TBC1D25: variants seen among roughly 807,000 people sequenced by gnomAD.
TBC1D25 encodes 5SN3 snoRNA.
Under a neutral mutation model 38.8 loss-of-function variants are expected in TBC1D25, and 13 were observed. The observed-to-expected ratio is 0.34, with a 90% CI of 0.22 to 0.53. The LOEUF is 0.53. Among genes scored for constraint, TBC1D25 ranks in the 20% least tolerant of loss-of-function variants. The pLI is 0.94. For synonymous variants in TBC1D25, 225 were observed against 255.6 expected (o/e 0.88, Z 1.14); for missense variants, 372 against 600.0 (o/e 0.62, Z 3.97).
At chrX:48,546,580 A>T (rs1556981907) in intron 3 of TBC1D25, among the ~76,000 whole-genome samples, 1 of 111,951 alleles carries the variant, frequency 8.9e-6, no homozygotes, top group African/African-American at 3.2e-5. Context: ...TACCCTCAGG[A>T]CTTAATCACC....
In TBC1D25 at chrX:48,548,318, G is replaced by A. The variant is rs914809248; in HGVS notation, c.388+3295G>A. 3.5e-4 allele frequency among the ~76,000 whole-genome samples: 38 copies of A among 109,855 alleles called. 1 individual carries two copies. Among genetic ancestry groups the A allele is most frequent in the African/African-American group, 1.2e-3 (36 of 30,213 alleles). On this transcript the variant is annotated intron_variant, in intron 3 of 5. Coordinates refer to ENST00000376771, the MANE Select transcript of TBC1D25 (RefSeq NM_002536.4). ...TTTTGTAGAGACAGGGTTTCGCCGT[G>A]TTGCCCAGGCTGGTCTTGAACTCCT...
chrX:48,558,815 G>T (rs1206116634), intron 3 of TBC1D25, 82 bp from the exon 4 acceptor site: 6 of 1,161,388 alleles, frequency 5.2e-6, no homozygotes, highest in Non-Finnish European at 6.9e-6. Flanking sequence ...AGGTAGCCCG[G>T]CTTCAGTAGA....
At chrX:48,552,977 A>G (rs1168372543) in intron 3 of TBC1D25, among the ~76,000 whole-genome samples, 1 of 108,642 alleles carries the variant, frequency 9.2e-6, no homozygotes, top group East Asian at 2.9e-4. Flanking sequence ...TTTGGTAGAG[A>G]TGGGGTTTCA....
chrX:48,553,506 T>TGTG (rs2147186046), intron 3 of TBC1D25, among the ~76,000 whole-genome samples: 3 of 109,759 alleles, frequency 2.7e-5, no homozygotes, highest in African/African-American at 9.9e-5. Flanking sequence ...TGTGAGCTAC[T>TGTG]GTCTTATTGC....
In TBC1D25 at chrX:48,559,328, G is replaced by A; in HGVS notation, c.687G>A (p.Val229=). ...ELRLRIYHGG[V]EPSLRKVVWR... ...GCCTGCGGATCTATCATGGCGGTGT[G>A]GAGCCCTCGCTGCGAAAGGTGAGCA... The change falls in exon 5 of 6, where the codon GTG becomes GTA. Residue 229 remains valine, a synonymous_variant. Coordinates refer to ENST00000376771, the MANE Select transcript of TBC1D25 (RefSeq NM_002536.4). 8.3e-7 allele frequency: 1 copy of A among 1,209,144 alleles called. No individual in the cohort carries two copies. The highest frequency in any genetic ancestry group is 1.1e-6 in the Non-Finnish European group (1 of 894,201).
At chrX:48,550,328 T>C (rs2061919898) in intron 3 of TBC1D25, among the ~76,000 whole-genome samples, 1 of 111,931 alleles carries the variant, frequency 8.9e-6, no homozygotes, top group Non-Finnish European at 1.9e-5. Flanking sequence ...TCTGCAGTGA[T>C]TCGAAATGCC....
At position 48,561,495 on chromosome X, in the gene TBC1D25, CCTG is replaced by C. The variant is rs2062026571; in HGVS notation, c.*521_*523del. On this transcript the variant is annotated 3_prime_UTR_variant, in exon 6 of 6. Transcript: ENST00000376771. ...TGAATATATGTTTTCAGGACAGCCC[CCTG>C]GATGAGAGATAAGAGAGTTCCTGGC... The C allele has an allele frequency of 8.9e-6, 1 of 112,196 alleles. No homozygotes were observed. The highest frequency in any genetic ancestry group is 1.9e-5 in the Non-Finnish European group (1 of 53,693). 9.2% of individuals were successfully genotyped at this position (112,196 alleles called of 1,213,427 possible).
intron 2 of TBC1D25, among the ~76,000 whole-genome samples, chrX:48,541,710 A>G (rs1556980325): frequency 8.9e-6 from 1 of 111,900 alleles, no homozygotes; most frequent in African/African-American, 3.2e-5. Context: ...CATTCATATT[A>G]CTTTTATTAC....
chrX:48,554,096 G>A (rs2147187121), intron 3 of TBC1D25, among the ~76,000 whole-genome samples: 2 of 109,015 alleles, frequency 1.8e-5, no homozygotes, highest in East Asian at 6.1e-4. Flanking sequence ...CAGGAGAATC[G>A]CTTGAACCCG....
At chrX:48,557,140 A>T (rs902307209) in intron 3 of TBC1D25, among the ~76,000 whole-genome samples, 5 of 109,963 alleles carry the variant, frequency 4.5e-5, no homozygotes, top group African/African-American at 1.7e-4. Context: ...AGGCAAGAGG[A>T]TCGTTTGAGC....
chrX:48,554,325 G>A (rs1467025909), intron 3 of TBC1D25, among the ~76,000 whole-genome samples: 4 of 110,654 alleles, frequency 3.6e-5, no homozygotes, highest in South Asian at 7.7e-4. Context: ...TGAGGCAGGC[G>A]GATCACTTGA....
At chrX:48,557,808 CAA>C (rs61406665) in intron 3 of TBC1D25, among the ~76,000 whole-genome samples, 1 of 103,577 alleles carries the variant, frequency 9.7e-6, no homozygotes, top group Non-Finnish European at 2.0e-5. Flanking sequence ...GACTCCATCT[CAA>C]AAAAAAAAGA....
intron 3 of TBC1D25, among the ~76,000 whole-genome samples, chrX:48,553,746 G>A (rs1423812181): frequency 1.9e-5 from 2 of 103,135 alleles, no homozygotes; most frequent in Non-Finnish European, 3.9e-5. Flanking sequence ...TCAGCCTCCC[G>A]AGTGGCAGGG....
At chrX:48,547,635 T>C (rs782707697) in intron 3 of TBC1D25, among the ~76,000 whole-genome samples, 5 of 112,319 alleles carry the variant, frequency 4.5e-5, no homozygotes, top group Admixed American at 9.5e-5. Flanking sequence ...GGAATACATC[T>C]TTAAAAGGTT....
In TBC1D25 at chrX:48,560,225, T is replaced by C. The variant is rs1556985743; in HGVS notation, c.1317T>C (p.Pro439=). ...VTWSSLPPDP[P]EHEVELVGPP... ...GGAGTTCGCTGCCCCCTGATCCTCCTGAACATGAGGTAGAGCTGGTTGGAC... is the reference window on the plus strand; with the variant it reads ...GGAGTTCGCTGCCCCCTGATCCTCCCGAACATGAGGTAGAGCTGGTTGGAC... Residue 439 remains proline, a synonymous_variant, in exon 6 of 6, where the codon CCT becomes CCC. Coordinates refer to ENST00000376771, the MANE Select transcript of TBC1D25 (RefSeq NM_002536.4). 8.3e-7 allele frequency: 1 copy of C among 1,211,177 alleles called. No individual in the cohort carries two copies. Among genetic ancestry groups the C allele is most frequent in the Admixed American group, 2.2e-5 (1 of 45,946 alleles).
At position 48,558,930 on chromosome X, in the gene TBC1D25, C is replaced by T. The variant is rs782784175; in HGVS notation, c.422C>T (p.Pro141Leu). The part of the protein sequence containing the change: ...PLLEDWDIIS[P>L]KDVIGSDVLL... ...CTAGAAGACTGGGACATAATCAGCC[C>T]CAAAGATGTCATTGGCTCCGACGTG... is the stretch of plus-strand genomic sequence containing the variant. Residue 141 changes from proline (P) to leucine (L), a missense_variant, in exon 4 of 6, where the codon CCC becomes CTC. Physicochemically the swap from Pro to Leu is moderately conservative, Grantham distance 98. Transcript: ENST00000376771. 5.8e-6 allele frequency: 7 copies of T among 1,209,637 alleles called. No individual in the cohort carries two copies. Among genetic ancestry groups the T allele is most frequent in the African/African-American group, 1.8e-5 (1 of 57,066 alleles).
At chrX:48,544,617 G>A (rs1483057870) in intron 2 of TBC1D25, among the ~76,000 whole-genome samples, 1 of 111,213 alleles carries the variant, frequency 9.0e-6, no homozygotes, top group East Asian at 2.8e-4. Context: ...CACTGCACCC[G>A]GCCAACATTT....
chrX:48,544,844 G>A, intron 2 of TBC1D25, 25 bp from the exon 3 acceptor site: 1 of 1,208,047 alleles, frequency 8.3e-7, no homozygotes, highest in Non-Finnish European at 1.1e-6. Context: ...GGGGCCCTGA[G>A]AGCTCCCTCG....
At chrX:48,549,582 A>T (rs1425928387) in intron 3 of TBC1D25, among the ~76,000 whole-genome samples, 1 of 110,613 alleles carries the variant, frequency 9.0e-6, no homozygotes, top group Non-Finnish European at 1.9e-5. Context: ...GCTCACTGCA[A>T]CCTCCGCCTC....
Sources: allele counts gnomAD v4.1 joint callset (sites outside exome capture counted in the v4.1 genomes callset), GRCh38; gene constraint gnomAD v4.1.1; transcripts MANE v1.5; gene names NCBI Gene and HGNC (gene_info 2026-07-23, HGNC 2026-07-21).